The following KSR2 variants were observed in gnomAD, a reference collection of about 807,000 sequenced individuals.
The protein encoded by KSR2 is kinase suppressor of ras 2.
A neutral mutation model predicts 107.8 loss-of-function variants in KSR2; 25 were observed. The observed-to-expected ratio is 0.23, with a 90% CI of 0.17 to 0.32. The LOEUF is 0.32. Ranked by LOEUF, KSR2 falls within the 10% of genes least tolerant of loss-of-function variation. KSR2 has a pLI of 1.00. For missense variants in KSR2, 887 were observed against 1,268.9 expected, an observed-to-expected ratio of 0.70 and a Z score of 4.57; for synonymous variants, 480 against 507.0, an observed-to-expected ratio of 0.95 and a Z score of 0.71.
intron 4 of KSR2, among the ~76,000 whole-genome samples, chr12:117,717,719 G>A (rs561949018): frequency 8.0e-4 from 121 of 150,600 alleles, no homozygotes; most frequent in African/African-American, 2.4e-3. Context: ...GTGTGCATGC[G>A]CGCGCGTGCA....
intron 5 of KSR2, among the ~76,000 whole-genome samples, chr12:117,601,965 AC>A (rs2136293128): frequency 1.3e-5 from 2 of 152,234 alleles, no homozygotes; most frequent in East Asian, 3.9e-4. Flanking sequence ...TGCGGCCTAT[AC>A]AGTCTCCGTC....
chr12:117,612,198 G>A (rs1435343771), intron 5 of KSR2, among the ~76,000 whole-genome samples: 1 of 152,130 alleles, frequency 6.6e-6, no homozygotes, highest in African/African-American at 2.4e-5. Context: ...GAGGTCAGGA[G>A]ATCAAGACCA....
At chr12:117,612,258 G>A (rs1881645511) in intron 5 of KSR2, among the ~76,000 whole-genome samples, 1 of 151,994 alleles carries the variant, frequency 6.6e-6, no homozygotes, top group African/African-American at 2.4e-5. Context: ...CAAAAAATTA[G>A]CCGGGCGTGG....
chr12:117,836,320 C>T (rs1892211707), intron 3 of KSR2, among the ~76,000 whole-genome samples: 1 of 152,036 alleles, frequency 6.6e-6, no homozygotes, highest in African/African-American at 2.4e-5. Context: ...ATCTACCTTC[C>T]AGAAAGATAC....
At chr12:117,658,531 G>A (rs1401534659) in intron 5 of KSR2, among the ~76,000 whole-genome samples, 7 of 152,196 alleles carry the variant, frequency 4.6e-5, no homozygotes, top group Non-Finnish European at 7.3e-5. Flanking sequence ...TACAATGGCA[G>A]AGTTGAGTAG....
chr12:117,499,195 C>A (rs769369257), intron 14 of KSR2, among the ~76,000 whole-genome samples: 4 of 152,224 alleles, frequency 2.6e-5, no homozygotes, highest in Admixed American at 1.3e-4. Context: ...TCAACAGTAG[C>A]CTGAATTACT....
chr12:117,890,990 T>A (rs531090845), intron 1 of KSR2: 13 of 151,920 alleles, frequency 8.6e-5, no homozygotes, highest in Non-Finnish European at 1.9e-4. Flanking sequence ...TTCAGAAAAA[T>A]TAAATCATTC....
intron 5 of KSR2, among the ~76,000 whole-genome samples, chr12:117,613,472 C>T (rs1226237491): frequency 6.6e-6 from 1 of 152,122 alleles, no homozygotes; most frequent in African/African-American, 2.4e-5. Flanking sequence ...CGAGGCTGAT[C>T]AGTGGCACCT....
intron 3 of KSR2, among the ~76,000 whole-genome samples, chr12:117,839,445 T>C (rs370360002): frequency 1.1e-4 from 16 of 152,294 alleles, no homozygotes; most frequent in African/African-American, 3.4e-4. Flanking sequence ...AACTGGGGAA[T>C]ACAAAAGTCC....
chr12:117,916,311 A>G (rs1895173970), intron 1 of KSR2, among the ~76,000 whole-genome samples: 1 of 151,344 alleles, frequency 6.6e-6, no homozygotes, highest in Non-Finnish European at 1.5e-5. Context: ...TAATTTTTGT[A>G]TTTTTAGTAG....
intron 5 of KSR2, among the ~76,000 whole-genome samples, chr12:117,641,176 C>T (rs908727211): frequency 1.3e-5 from 2 of 152,156 alleles, no homozygotes; most frequent in Non-Finnish European, 2.9e-5. Flanking sequence ...TGGCTCACTG[C>T]GACCTCTGCC....
chr12:117,638,453 C>T (rs1242263601), intron 5 of KSR2, among the ~76,000 whole-genome samples: 4 of 151,918 alleles, frequency 2.6e-5, no homozygotes, highest in Admixed American at 1.3e-4. Context: ...AATTCACAGC[C>T]CTATTTCAGA....
chr12:117,868,107 T>C (rs1324964370), intron 1 of KSR2, among the ~76,000 whole-genome samples: 3 of 152,094 alleles, frequency 2.0e-5, no homozygotes, highest in Non-Finnish European at 2.9e-5. Flanking sequence ...CTTGCTAGAT[T>C]TGGAAGAGTA....
intron 5 of KSR2, among the ~76,000 whole-genome samples, chr12:117,592,403 C>T (rs958348757): frequency 2.6e-5 from 4 of 152,118 alleles, no homozygotes; most frequent in Non-Finnish European, 4.4e-5. Flanking sequence ...CATGAGCGAC[C>T]GTGCCTGGCC....
intron 4 of KSR2, among the ~76,000 whole-genome samples, chr12:117,742,730 C>T (rs1165311130): frequency 1.3e-5 from 2 of 152,212 alleles, no homozygotes; most frequent in Non-Finnish European, 1.5e-5. Context: ...AGGTTCCAGA[C>T]TTTTCCCGGC....
rs2137084710 is a variant in KSR2 at position 117,454,977 on chromosome 12, A to G, written c.*12222T>C. On this transcript the variant is annotated 3_prime_UTR_variant, in exon 20 of 20. Coordinates refer to ENST00000339824, the MANE Select transcript of KSR2 (RefSeq NM_173598.6). ...ATGCAGGGCACTAAGAAATAGAGAC[A>G]CATCCTTCACTGTGTGGAGGCAGGC... 1 of 152,100 alleles carries G rather than the reference A, an allele frequency of 6.6e-6. No homozygotes were observed. Among genetic ancestry groups the G allele is most frequent in the African/African-American group, 2.4e-5 (1 of 41,392 alleles). 9.4% of individuals were successfully genotyped at this position (152,100 alleles called of 1,614,324 possible). A position where few individuals can be genotyped will look rare whatever the true frequency, so the allele number is the denominator to read the frequency against.
At chr12:117,966,255 A>G (rs1246924416) in intron 1 of KSR2, among the ~76,000 whole-genome samples, 1 of 152,106 alleles carries the variant, frequency 6.6e-6, no homozygotes, top group Non-Finnish European at 1.5e-5. Flanking sequence ...GAATACACAA[A>G]CTAGCATTTG....
chr12:117,729,086 T>C (rs764858931), intron 4 of KSR2, among the ~76,000 whole-genome samples: 6 of 151,922 alleles, frequency 3.9e-5, no homozygotes, highest in Non-Finnish European at 8.8e-5. Flanking sequence ...GCGCTGTGCA[T>C]GAAGGTGTTT....
At chr12:117,706,114 G>A (rs1326088028) in intron 4 of KSR2, among the ~76,000 whole-genome samples, 3 of 150,390 alleles carry the variant, frequency 2.0e-5, no homozygotes. Context: ...TGCAATCTCG[G>A]CTCACTGCAA....
Sources: gnomAD v4.1 joint callset for allele counts (sites outside exome capture counted in the v4.1 genomes callset) on GRCh38, gnomAD v4.1.1 for gene constraint, MANE v1.5 for transcripts, NCBI Gene and HGNC (gene_info 2026-07-23, HGNC 2026-07-21) for gene names.